ME1: variants seen among roughly 807,000 people sequenced by gnomAD.
ME1 encodes the protein NADP-dependent malic enzyme.
Under a neutral mutation model 66.4 loss-of-function variants are expected in ME1, and 74 were observed. That is an observed-to-expected ratio of 1.11 (90% CI 0.92 to 1.35). The LOEUF (loss-of-function observed/expected upper bound fraction) is 1.35. Ranked by LOEUF, ME1 falls within the 40% of genes most tolerant of loss-of-function variation. ME1 has a pLI of 0.00. For missense variants in ME1, 750 were observed against 694.1 expected (o/e 1.08, Z -0.90); for synonymous variants, 251 against 235.6 (o/e 1.07, Z -0.60).
intron 8 of ME1, among the ~76,000 whole-genome samples, chr6:83,238,276 T>C (rs1455582165): frequency 6.6e-6 from 1 of 152,204 alleles, no homozygotes; most frequent in Non-Finnish European, 1.5e-5. Context: ...TCCAAGCATC[T>C]ACTTACTCTT....
At chr6:83,240,324 G>A (rs149330292) in intron 7 of ME1, among the ~76,000 whole-genome samples, 1 of 152,106 alleles carries the variant, frequency 6.6e-6, no homozygotes, top group African/African-American at 2.4e-5. Context: ...TAATTATATT[G>A]TATCATTTAA....
intron 3 of ME1, among the ~76,000 whole-genome samples, chr6:83,368,878 T>C (rs976021252): frequency 1.3e-5 from 2 of 152,138 alleles, no homozygotes; most frequent in African/African-American, 2.4e-5. Flanking sequence ...GGGTCTATGA[T>C]ATTGTCTTTC....
chr6:83,393,445 G>A (rs1196696572), intron 3 of ME1: 34 of 578,926 alleles, frequency 5.9e-5, no homozygotes, highest in East Asian at 3.0e-4. Flanking sequence ...ACAGCACGAC[G>A]GGAAGAGAGC....
intron 2 of ME1, among the ~76,000 whole-genome samples, chr6:83,406,579 T>C (rs1310292006): frequency 6.6e-6 from 1 of 152,152 alleles, no homozygotes; most frequent in Non-Finnish European, 1.5e-5. Flanking sequence ...AACATCACAC[T>C]GGGGATTAGA....
intron 6 of ME1, among the ~76,000 whole-genome samples, chr6:83,280,637 G>T (rs1303607464): frequency 6.6e-6 from 1 of 152,102 alleles, no homozygotes; most frequent in Non-Finnish European, 1.5e-5. Context: ...TGCTCCTTTT[G>T]CTGCCCATGT....
rs193165529 is a variant in ME1, at chr6:83,331,460, G to A, written c.600+14713C>T. Among the ~76,000 whole-genome samples, 64 of 151,848 alleles carry A rather than the reference G, an allele frequency of 4.2e-4. 1 individual carries two copies. Among genetic ancestry groups the A allele is most frequent in the Admixed American group, 3.5e-3 (54 of 15,250 alleles). ...AAATTAGTCGGGCGTGGTGGTGGGCGCCTGTAATCCCAGCTACTCAGGAGG... is the reference window on the plus strand; with the variant it reads ...AAATTAGTCGGGCGTGGTGGTGGGCACCTGTAATCCCAGCTACTCAGGAGG... On this transcript the variant is annotated intron_variant, in intron 5 of 13. Transcript: ENST00000369705.
intron 3 of ME1, among the ~76,000 whole-genome samples, chr6:83,364,925 C>A (rs1418396451): frequency 6.6e-6 from 1 of 152,058 alleles, no homozygotes; most frequent in Non-Finnish European, 1.5e-5. Flanking sequence ...CAAGTTGATG[C>A]CCCACTCACC....
intron 2 of ME1, among the ~76,000 whole-genome samples, chr6:83,402,406 T>C (rs1220135302): frequency 2.6e-5 from 4 of 152,248 alleles, no homozygotes; most frequent in Non-Finnish European, 5.9e-5. Flanking sequence ...TATGCTCTGC[T>C]GGTCTAGAGG....
At chr6:83,293,934 G>A (rs1767549996) in intron 6 of ME1, among the ~76,000 whole-genome samples, 1 of 152,152 alleles carries the variant, frequency 6.6e-6, no homozygotes, top group African/African-American at 2.4e-5. Flanking sequence ...GTGCACTTGA[G>A]ATTTATATTA....
chr6:83,412,300 T>C (rs1770066109), intron 1 of ME1, among the ~76,000 whole-genome samples: 1 of 152,168 alleles, frequency 6.6e-6, no homozygotes, highest in Admixed American at 6.5e-5. Context: ...TATACATGTA[T>C]GAAAATTCAT....
chr6:83,386,430 A>G lies in ME1; in HGVS notation c.362+11937T>C, dbSNP rs943549857. 1.4e-4 allele frequency among the ~76,000 whole-genome samples: 22 copies of G among 152,100 alleles called. No individual in the cohort carries two copies. The East Asian group carries it at 4.1e-3, about 28-fold the overall frequency. ...GTTTAATTTAAAAAAGGCAAATCCA[A>G]TTAAAAATAGTTCTGGTTCACCTGG... On this transcript the variant is annotated intron_variant, in intron 3 of 13. Transcript: ENST00000369705.
intron 7 of ME1, among the ~76,000 whole-genome samples, chr6:83,250,603 ACTAATTACCTGT>A (rs1335550680): frequency 6.6e-6 from 1 of 152,172 alleles, no homozygotes; most frequent in Non-Finnish European, 1.5e-5. Flanking sequence ...ACTATCAACA[ACTAATTACCTGT>A]CTACTTCTAA....
intron 4 of ME1, among the ~76,000 whole-genome samples, chr6:83,349,366 GT>G (rs537296000): frequency 9.3e-4 from 141 of 152,216 alleles, no homozygotes; most frequent in African/African-American, 3.2e-3. Flanking sequence ...GCAGTTGGAT[GT>G]TTTCTGTACG....
chr6:83,287,480 A>G (rs1047850442), intron 6 of ME1, among the ~76,000 whole-genome samples: 3 of 152,234 alleles, frequency 2.0e-5, no homozygotes, highest in Non-Finnish European at 2.9e-5. Flanking sequence ...AAAGAACATG[A>G]ACTCATCATT....
At chr6:83,262,157 A>C (rs1766911913) in intron 6 of ME1, among the ~76,000 whole-genome samples, 1 of 152,348 alleles carries the variant, frequency 6.6e-6, no homozygotes, top group South Asian at 2.1e-4. Context: ...AATTATGTGC[A>C]CAGGCCATCT....
intron 5 of ME1, among the ~76,000 whole-genome samples, chr6:83,320,955 G>A (rs915308461): frequency 1.1e-4 from 17 of 152,102 alleles, no homozygotes; most frequent in Non-Finnish European, 2.2e-4. Context: ...TGAGGTACCC[G>A]GTTCATCTCA....
At chr6:83,279,834 G>C (rs1767256984) in intron 6 of ME1, among the ~76,000 whole-genome samples, 1 of 152,150 alleles carries the variant, frequency 6.6e-6, no homozygotes, top group Non-Finnish European at 1.5e-5. Context: ...AGGCATATCA[G>C]AGTTAAGTGT....
At chr6:83,223,052 C>T (rs117735629) in intron 12 of ME1, among the ~76,000 whole-genome samples, 4,040 of 152,310 alleles carry the variant, frequency 0.027, 83 homozygotes, top group Admixed American at 0.055. Context: ...GTCCACTATA[C>T]CATATCAGAC....
At chr6:83,248,153 C>G (rs144749274) in intron 7 of ME1, among the ~76,000 whole-genome samples, 2,405 of 152,244 alleles carry the variant, frequency 0.016, 32 homozygotes, top group Admixed American at 0.024. Context: ...AATCCTGACC[C>G]TAATTGCTTG....
Sources: allele counts gnomAD v4.1 joint callset (sites outside exome capture counted in the v4.1 genomes callset), GRCh38; gene constraint gnomAD v4.1.1; transcripts MANE v1.5; gene names NCBI Gene and HGNC (gene_info 2026-07-23, HGNC 2026-07-21).